Variants in LANCL2 observed in about 807,000 individuals in gnomAD.
The protein encoded by LANCL2 is lanC-like protein 2.
Under a neutral mutation model 56.9 loss-of-function variants are expected in LANCL2, and 33 were observed. The observed-to-expected ratio is 0.58, with a 90% CI of 0.44 to 0.78. LANCL2 has a LOEUF of 0.78. Ranked by LOEUF, LANCL2 falls within the 30% of genes least tolerant of loss-of-function variation. LANCL2 has a pLI of 0.00. For missense variants in LANCL2, 562 were observed against 580.2 expected, an observed-to-expected ratio of 0.97 and a Z score of 0.32; for synonymous variants, 233 against 228.2, an observed-to-expected ratio of 1.02 and a Z score of -0.19.
intron 5 of LANCL2, among the ~76,000 whole-genome samples, chr7:55,402,238 C>T (rs1161700367): frequency 5.9e-4 from 79 of 133,762 alleles, no homozygotes; most frequent in African/African-American, 1.4e-3. Flanking sequence ...GGCGGCTGGC[C>T]GGGCGGGGGG....
At chr7:55,367,290 T>C (rs929961738) in intron 1 of LANCL2, among the ~76,000 whole-genome samples, 3 of 152,214 alleles carry the variant, frequency 2.0e-5, no homozygotes, top group African/African-American at 7.2e-5. Flanking sequence ...CGTGTTCCAA[T>C]GGCCACTTCA....
intron 1 of LANCL2, among the ~76,000 whole-genome samples, chr7:55,381,150 C>T (rs1030088256): frequency 6.6e-6 from 1 of 152,092 alleles, no homozygotes; most frequent in Non-Finnish European, 1.5e-5. Context: ...GGATTACAGG[C>T]ATGAGCCACC....
intron 7 of LANCL2, 76 bp downstream of exon 7, chr7:55,425,506 C>G: frequency 7.5e-7 from 1 of 1,338,168 alleles, no homozygotes; most frequent in Non-Finnish European, 1.0e-6. Flanking sequence ...AAGTACAACT[C>G]CTGTTCCTTC....
intron 5 of LANCL2, among the ~76,000 whole-genome samples, chr7:55,404,304 CCTCCTT>C (rs1363703165): frequency 6.6e-6 from 1 of 152,068 alleles, no homozygotes; most frequent in African/African-American, 2.4e-5. Context: ...TTCTCCTCCT[CCTCCTT>C]CTTTCTTCTT....
intron 8 of LANCL2, among the ~76,000 whole-genome samples, chr7:55,429,369 A>G (rs1413501310): frequency 6.6e-6 from 1 of 152,202 alleles, no homozygotes; most frequent in African/African-American, 2.4e-5. Context: ...GGGCTGTTCA[A>G]GTTATCTATT....
chr7:55,421,628 C>T (rs527827726), intron 6 of LANCL2, among the ~76,000 whole-genome samples: 9 of 152,180 alleles, frequency 5.9e-5, no homozygotes, highest in African/African-American at 1.9e-4. Flanking sequence ...CAGGTGTGAG[C>T]GCCACCGTGC....
intron 1 of LANCL2, among the ~76,000 whole-genome samples, chr7:55,368,465 T>C (rs1013595144): frequency 5.9e-5 from 9 of 152,188 alleles, no homozygotes; most frequent in African/African-American, 2.2e-4. Context: ...AAGGGAGAGA[T>C]GGATAGTGAT....
chr7:55,399,568 C>A (rs1287067893), intron 3 of LANCL2, among the ~76,000 whole-genome samples: 1 of 152,118 alleles, frequency 6.6e-6, no homozygotes, highest in Non-Finnish European at 1.5e-5. Context: ...GTCTTGAACT[C>A]CTGACCTCAG....
At chr7:55,399,361 G>A (rs138398703) in intron 3 of LANCL2, among the ~76,000 whole-genome samples, 22,962 of 128,896 alleles carry the variant, frequency 0.18, 1,940 homozygotes, top group Middle Eastern at 0.29. Flanking sequence ...TTTTTTTTCT[G>A]AGATGGAATT....
rs770578092 is a variant in LANCL2 at position 55,431,216 on chromosome 7, T to A, written c.1259-10T>A. On this transcript the variant is annotated splice_polypyrimidine_tract_variant and intron_variant, in intron 8 of 8. Coordinates refer to ENST00000254770, the MANE Select transcript of LANCL2 (RefSeq NM_018697.4). Reference sequence around the variant, plus strand: ...GCCATTCCTAAGAGGCTCCTCATTTTACATTGCAGGCATGGCTGGCGCTAT... The same window carrying A: ...GCCATTCCTAAGAGGCTCCTCATTTAACATTGCAGGCATGGCTGGCGCTAT... 1 of 1,602,472 alleles carries A rather than the reference T, an allele frequency of 6.2e-7. No individual in the cohort carries two copies. The highest frequency in any genetic ancestry group is 1.1e-5 in the South Asian group (1 of 89,638).
intron 1 of LANCL2, among the ~76,000 whole-genome samples, chr7:55,379,141 C>T (rs999162601): frequency 2.7e-5 from 4 of 146,298 alleles, no homozygotes; most frequent in Non-Finnish European, 4.5e-5. Flanking sequence ...CAGAGCGAGA[C>T]TACGTCTCAA....
chr7:55,428,291 G>A, intron 7 of LANCL2, 84 bp from the exon 8 acceptor site: 3 of 1,207,640 alleles, frequency 2.5e-6, no homozygotes, highest in Non-Finnish European at 3.7e-6. Flanking sequence ...CTTCCCTGAT[G>A]CCTGTGAAGA....
Position 55,432,309 on chromosome 7 carries a change from T to G in LANCL2, c.*989T>G, listed in dbSNP as rs1389649123. The G allele has an allele frequency of 1.3e-5, 2 of 152,234 alleles. No individual in the cohort carries two copies. Among genetic ancestry groups the G allele is most frequent in the Non-Finnish European group, 2.9e-5 (2 of 68,040 alleles). The allele number at this position is 152,234 out of a possible 1,614,324, so 9.4% of individuals were successfully genotyped here. On this transcript the variant is annotated 3_prime_UTR_variant, in exon 9 of 9. Transcript: ENST00000254770. Reference sequence around the variant, plus strand: ...TTGGAAAGTTATCAAAATCTAAATTTGGAATGAATGCATTTCCTATTTTTT... The same window carrying G: ...TTGGAAAGTTATCAAAATCTAAATTGGGAATGAATGCATTTCCTATTTTTT...
At chr7:55,428,774 T>C (rs1460451363) in intron 8 of LANCL2, among the ~76,000 whole-genome samples, 1 of 152,336 alleles carries the variant, frequency 6.6e-6, no homozygotes. Context: ...AATATTGGTG[T>C]ATTCATGGGA....
intron 6 of LANCL2, among the ~76,000 whole-genome samples, chr7:55,423,459 A>G (rs115245399): frequency 0.011 from 1,741 of 152,300 alleles, 39 homozygotes; most frequent in African/African-American, 0.039. Context: ...CTCTCAAACA[A>G]TATCTTCTCA....
At chr7:55,430,109 C>T (rs2128997033) in intron 8 of LANCL2, among the ~76,000 whole-genome samples, 1 of 152,352 alleles carries the variant, frequency 6.6e-6, no homozygotes, top group East Asian at 1.9e-4. Flanking sequence ...GCTGTAGGGC[C>T]TCCTAGGCTT....
intron 1 of LANCL2, among the ~76,000 whole-genome samples, chr7:55,370,753 G>A (rs934289528): frequency 5.9e-5 from 9 of 152,100 alleles, no homozygotes; most frequent in African/African-American, 1.9e-4. Context: ...AGGACTTAAG[G>A]GATACCACAT....
At chr7:55,426,820 C>CAGCG (rs1790669213) in intron 7 of LANCL2, among the ~76,000 whole-genome samples, 1 of 152,220 alleles carries the variant, frequency 6.6e-6, no homozygotes, top group Admixed American at 6.5e-5. Flanking sequence ...AAACAGGAGC[C>CAGCG]AGCGAGCGGG....
intron 6 of LANCL2, among the ~76,000 whole-genome samples, chr7:55,424,919 C>T (rs1790646978): frequency 6.6e-6 from 1 of 152,188 alleles, no homozygotes; most frequent in Non-Finnish European, 1.5e-5. Flanking sequence ...GTTGCGCGCT[C>T]CTTATGAGAA....
Sources: allele counts gnomAD v4.1 joint callset (sites outside exome capture counted in the v4.1 genomes callset), GRCh38; gene constraint gnomAD v4.1.1; transcripts MANE v1.5; gene names NCBI Gene and HGNC (gene_info 2026-07-23, HGNC 2026-07-21).